The following CNNM2 variants were observed in gnomAD, a reference collection of about 807,000 sequenced individuals.
CNNM2 encodes metal transporter CNNM2.
CNNM2 carries 12 observed loss-of-function variants against 66.9 expected under a neutral mutation model. The observed-to-expected ratio is 0.18, with a 90% confidence interval of 0.11 to 0.29. CNNM2 has a LOEUF of 0.29. Ranked by LOEUF, CNNM2 falls within the 10% of genes least tolerant of loss-of-function variation. CNNM2 has a pLI of 1.00. For missense variants in CNNM2, 705 were observed against 1,167.7 expected (o/e 0.60, Z 5.77); for synonymous variants, 557 against 501.8 (o/e 1.11, Z -1.47).
Position 103,089,503 on chromosome 10 carries a change from C to A in CNNM2, c.*12323C>A. 1 of 1,295,974 alleles carries A rather than the reference C, an allele frequency of 7.7e-7. No homozygotes were observed. Among genetic ancestry groups the A allele is most frequent in the Non-Finnish European group, 1.0e-6 (1 of 979,732 alleles). 80.3% of individuals were successfully genotyped at this position (1,295,974 alleles called of 1,614,324 possible). A position where few individuals can be genotyped will look rare whatever the true frequency, so the allele number is the denominator to read the frequency against. Reference sequence around the variant, plus strand: ...ACCATCTGCAGAGAGTACAGATACACAAAACCAAAACAAGTATCTATGATA... The same window carrying A: ...ACCATCTGCAGAGAGTACAGATACAAAAAACCAAAACAAGTATCTATGATA... On this transcript the variant is annotated 3_prime_UTR_variant, in exon 8 of 8. Coordinates refer to ENST00000369878, the MANE Select transcript of CNNM2 (RefSeq NM_017649.5).
chr10:102,951,640 C>CT lies in CNNM2; in HGVS notation c.1621+31554dup, dbSNP rs759271515. Among the ~76,000 whole-genome samples, 327 of 129,388 alleles carry CT rather than the reference C, an allele frequency of 2.5e-3. 1 individual carries two copies. Among genetic ancestry groups the CT allele is most frequent in the South Asian group, 4.6e-3 (18 of 3,952 alleles). The allele number at this position is 129,388 out of a possible 152,430, so 84.9% of individuals were successfully genotyped here. ...AAAAATTTTAGAAACTTTTTTTTTT[C>CT]TTTTTTTTTTTTTTTACAGACAAGG... On this transcript the variant is annotated intron_variant, in intron 1 of 7. Transcript: ENST00000369878.
At chr10:102,945,042 G>A (rs1345963360) in intron 1 of CNNM2, among the ~76,000 whole-genome samples, 1 of 149,098 alleles carries the variant, frequency 6.7e-6, no homozygotes, top group Non-Finnish European at 1.5e-5. Flanking sequence ...TAATTAACAA[G>A]GAATCTATGA....
intron 5 of CNNM2, among the ~76,000 whole-genome samples, chr10:103,069,219 A>G (rs1564869940): frequency 6.6e-6 from 1 of 151,854 alleles, no homozygotes; most frequent in Non-Finnish European, 1.5e-5. Context: ...GTGTCCTTTC[A>G]TTGCTGATAG....
At chr10:102,933,722 G>GC (rs1564810942) in intron 1 of CNNM2, among the ~76,000 whole-genome samples, 7 of 151,906 alleles carry the variant, frequency 4.6e-5, no homozygotes, top group African/African-American at 1.7e-4. Flanking sequence ...TTTTTTTTAA[G>GC]ACAGGGTCTC....
At position 102,918,313 on chromosome 10, in the gene CNNM2, G is replaced by A. The variant is rs1217324369; in HGVS notation, c.-168G>A. 2 of 1,201,142 alleles carry A rather than the reference G, an allele frequency of 1.7e-6. No individual in the cohort carries two copies. Among genetic ancestry groups the A allele is most frequent in the Non-Finnish European group, 2.2e-6 (2 of 902,698 alleles). 74.4% of individuals were successfully genotyped at this position (1,201,142 alleles called of 1,614,324 possible). A position where few individuals can be genotyped will look rare whatever the true frequency, so the allele number is the denominator to read the frequency against. ...TCCTCTCCCTCCCTCTTTCCCTCCC[G>A]CGAGCCTCGGGGTTCCTCAGCTGGC... On this transcript the variant is annotated 5_prime_UTR_variant, in exon 1 of 8. Transcript: ENST00000369878. The surrounding 1 kb of genome is among the most constrained non-coding windows in gnomAD (Gnocchi z 4.1).
At chr10:102,992,834 T>C (rs1462915059) in intron 1 of CNNM2, among the ~76,000 whole-genome samples, 2 of 152,164 alleles carry the variant, frequency 1.3e-5, no homozygotes, top group Admixed American at 6.5e-5. Context: ...GTTAATCTGC[T>C]TAAACTTCAG....
At chr10:103,034,623 A>C (rs916909750) in intron 1 of CNNM2, among the ~76,000 whole-genome samples, 2 of 152,238 alleles carry the variant, frequency 1.3e-5, no homozygotes, top group African/African-American at 4.8e-5. Flanking sequence ...TTTGGACTGT[A>C]AAACAAAGCT....
chr10:102,978,367 G>A (rs901501534), intron 1 of CNNM2, among the ~76,000 whole-genome samples: 1 of 151,390 alleles, frequency 6.6e-6, no homozygotes, highest in African/African-American at 2.4e-5. Context: ...CTTTCCAGTT[G>A]TCAGGGTAAA....
At chr10:103,060,238 G>A (rs1019685554) in intron 4 of CNNM2, among the ~76,000 whole-genome samples, 3 of 152,024 alleles carry the variant, frequency 2.0e-5, no homozygotes, top group East Asian at 1.9e-4. Context: ...TACCTGAATC[G>A]ATGATAATGA....
chr10:103,033,678 G>A (rs11191525), intron 1 of CNNM2, among the ~76,000 whole-genome samples: 1 of 151,800 alleles, frequency 6.6e-6, no homozygotes, highest in Non-Finnish European at 1.5e-5. Flanking sequence ...TAGAGATGGG[G>A]GTTTCACCAT....
At chr10:103,045,145 T>C (rs890101024) in intron 1 of CNNM2, among the ~76,000 whole-genome samples, 1 of 152,156 alleles carries the variant, frequency 6.6e-6, no homozygotes, top group Non-Finnish European at 1.5e-5. Flanking sequence ...TTTAACTGCT[T>C]ATGTTGGGTC....
intron 1 of CNNM2, among the ~76,000 whole-genome samples, chr10:102,935,659 T>C (rs1044590013): frequency 1.4e-5 from 2 of 144,896 alleles, no homozygotes; most frequent in Non-Finnish European, 3.0e-5. Context: ...CAGGATGGAG[T>C]GCAGTGACAC....
At chr10:103,063,788 T>G (rs947037422) in intron 4 of CNNM2, among the ~76,000 whole-genome samples, 1 of 152,212 alleles carries the variant, frequency 6.6e-6, no homozygotes, top group Non-Finnish European at 1.5e-5. Context: ...TTTGGTGATA[T>G]GCTCGACTAG....
In CNNM2 at chr10:102,948,494, T is replaced by C. The variant is rs10883805; in HGVS notation, c.1621+28393T>C. On this transcript the variant is annotated intron_variant, in intron 1 of 7. Transcript: ENST00000369878. ...TTAGTGTGGCTGGAACACAAATAATTTGTGTGTGTGCATGTTGAGGGGTAG... is the reference window on the plus strand; with the variant it reads ...TTAGTGTGGCTGGAACACAAATAATCTGTGTGTGTGCATGTTGAGGGGTAG... Among the ~76,000 whole-genome samples, 61,924 of 151,772 alleles carry C rather than the reference T, an allele frequency of 0.41. 12,834 individuals carry two copies. Among genetic ancestry groups the C allele is most frequent in the East Asian group, 0.56 (2,887 of 5,158 alleles).
intron 4 of CNNM2, among the ~76,000 whole-genome samples, chr10:103,068,050 C>T (rs960843328): frequency 6.6e-6 from 1 of 152,204 alleles, no homozygotes; most frequent in African/African-American, 2.4e-5. Context: ...GATTCAGCCC[C>T]GGCCCTGGCT....
intron 1 of CNNM2, among the ~76,000 whole-genome samples, chr10:103,047,626 A>G (rs978685135): frequency 1.3e-5 from 2 of 152,248 alleles, no homozygotes; most frequent in African/African-American, 4.8e-5. Flanking sequence ...TCTCTTTGCA[A>G]CTTTTCTGTA....
intron 2 of CNNM2, among the ~76,000 whole-genome samples, chr10:103,053,458 G>T (rs1365747826): frequency 6.6e-6 from 1 of 152,254 alleles, no homozygotes; most frequent in East Asian, 1.9e-4. Context: ...TGAGGCTGCA[G>T]TGAGCTGCGA....
intron 1 of CNNM2, among the ~76,000 whole-genome samples, chr10:102,998,029 GTTTT>G (rs571145997): frequency 6.8e-6 from 1 of 148,142 alleles, no homozygotes; most frequent in Non-Finnish European, 1.5e-5. Context: ...AAGTGTTTTT[GTTTT>G]TTTTTTCTGT....
At chr10:102,954,258 GC>G (rs1846953677) in intron 1 of CNNM2, among the ~76,000 whole-genome samples, 1 of 151,486 alleles carries the variant, frequency 6.6e-6, no homozygotes, top group Non-Finnish European at 1.5e-5. Context: ...TTCCTGAGTA[GC>G]TGGGACCACA....
Sources: gnomAD v4.1 joint callset for allele counts (sites outside exome capture counted in the v4.1 genomes callset) on GRCh38, gnomAD v4.1.1 for gene constraint, Gnocchi (gnomAD v3.1) non-coding constraint, MANE v1.5 for transcripts, NCBI Gene and HGNC (gene_info 2026-07-23, HGNC 2026-07-21) for gene names.